Variants in DNAH6 observed in about 807,000 individuals in gnomAD.
DNAH6 encodes dynein axonemal heavy chain 6.
A neutral mutation model predicts 491.4 loss-of-function variants in DNAH6; 340 were observed. The observed-to-expected ratio is 0.69, with a 90% confidence interval of 0.63 to 0.76. The LOEUF (loss-of-function observed/expected upper bound fraction) is 0.76. DNAH6 is among the 30% of genes least tolerant of loss of function. DNAH6 has a pLI of 0.00. For synonymous variants in DNAH6, 1,603 were observed against 1,686.1 expected (o/e 0.95, Z 1.21); for missense variants, 4,443 against 4,972.2 (o/e 0.89, Z 3.20).
chr2:84,657,790 A>G (rs1320680448), intron 35 of DNAH6, among the ~76,000 whole-genome samples: 1 of 151,942 alleles, frequency 6.6e-6, no homozygotes, highest in Non-Finnish European at 1.5e-5. Context: ...CTTCCTTCCC[A>G]ATCTGTATAC....
rs1000856327 is a variant in DNAH6 at position 84,634,634 on chromosome 2, C to T, written c.4646C>T (p.Ala1549Val). 2.5e-5 allele frequency: 38 copies of T among 1,533,004 alleles called. No individual in the cohort carries two copies. Among genetic ancestry groups the T allele is most frequent in the Admixed American group, 4.2e-5 (2 of 47,504 alleles). 95.0% of individuals were successfully genotyped at this position (1,533,004 alleles called of 1,614,324 possible). Residue 1549 changes from alanine (A) to valine (V), a missense_variant, in exon 30 of 77, where the codon GCG (alanine) becomes GTG (valine). Coordinates refer to ENST00000389394, the MANE Select transcript of DNAH6 (RefSeq NM_001370.2). ...QQLITIRNAK[A>V]AKLSRFMFEG... ...CTCATTACCATTAGGAACGCCAAAG[C>T]GGCAAAGGTAAGGCACTGGGCAATC...
At chr2:84,798,172 G>A (rs1678520166) in intron 70 of DNAH6, among the ~76,000 whole-genome samples, 1 of 152,224 alleles carries the variant, frequency 6.6e-6, no homozygotes, top group Non-Finnish European at 1.5e-5. Context: ...ACTCCTCTGT[G>A]TAAGACCTTG....
chr2:84,710,346 A>G lies in DNAH6; in HGVS notation c.9312A>G (p.Thr3104=). The G allele has an allele frequency of 1.9e-6, 3 of 1,551,788 alleles. No homozygotes were observed. The highest frequency in any genetic ancestry group is 2.6e-6 in the Non-Finnish European group (3 of 1,146,990). ...SKSGLKIIKL[T]DSNFLRILEN... ...GTGGTTTAAAGATCATTAAGCTTAC[A>G]GATAGTAATTTCTTACGAATACTCG... Residue 3104 remains threonine (T), a synonymous_variant, in exon 56 of 77, where the codon ACA becomes ACG. Transcript: ENST00000389394.
At chr2:84,461,646 A>G in the DNAH6 span, among the ~76,000 whole-genome samples, 1 of 152,222 alleles carries the variant, frequency 6.6e-6, no homozygotes, top group Non-Finnish European at 1.5e-5. Context: ...ATATAAAGCT[A>G]CTGTCACCTT....
At chr2:84,504,381 A>G in the DNAH6 span, among the ~76,000 whole-genome samples, 22 of 152,270 alleles carry the variant, frequency 1.4e-4, no homozygotes, top group Non-Finnish European at 2.6e-4. Context: ...AAAGGTCACT[A>G]TCTTTGTTTC....
At chr2:84,550,754 A>T (rs1487484887) in intron 9 of DNAH6, among the ~76,000 whole-genome samples, 1 of 152,146 alleles carries the variant, frequency 6.6e-6, no homozygotes, top group Admixed American at 6.5e-5. Context: ...CCAAAAGCTT[A>T]TAGTTCGTGG....
At position 84,577,423 on chromosome 2, in the gene DNAH6, G is replaced by GAA; in HGVS notation, c.2076+23_2076+24dup. On this transcript the variant is annotated intron_variant, in intron 13 of 76. Coordinates refer to ENST00000389394, the MANE Select transcript of DNAH6 (RefSeq NM_001370.2). Reference sequence around the variant, plus strand: ...GATGCTTAGAGGTAACTATAAACTAGAAAAAAAAATAATTATTCCTCTACA... The same window carrying GAA: ...GATGCTTAGAGGTAACTATAAACTAGAAAAAAAAAAATAATTATTCCTCTACA... 6.7e-7 allele frequency: 1 copy of GAA among 1,503,152 alleles called. No homozygotes were observed. Among genetic ancestry groups the GAA allele is most frequent in the South Asian group, 1.3e-5 (1 of 77,354 alleles). 93.1% of individuals were successfully genotyped at this position (1,503,152 alleles called of 1,614,324 possible).
At position 84,699,160 on chromosome 2, in the gene DNAH6, A is replaced by C. The variant is rs895555367; in HGVS notation, c.7678-434A>C. On this transcript the variant is annotated intron_variant, in intron 47 of 76. Coordinates refer to ENST00000389394, the MANE Select transcript of DNAH6 (RefSeq NM_001370.2). ...ATATATCTTTGTAACAAACCTACAC[A>C]TGTACCCCCAGAATCTAAAATAAAA... Among the ~76,000 whole-genome samples the C allele has an allele frequency of 3.9e-5, 6 of 152,060 alleles. No individual in the cohort carries two copies. The South Asian group carries it at 1.3e-3, about 32-fold the overall frequency.
chr2:84,717,604 G>A lies in DNAH6; in HGVS notation c.9612-600G>A, dbSNP rs114929797. Among the ~76,000 whole-genome samples, 791 of 152,282 alleles carry A rather than the reference G, an allele frequency of 5.2e-3. 7 individuals are homozygous for A. Among genetic ancestry groups the A allele is most frequent in the African/African-American group, 0.018 (750 of 41,552 alleles). ...TTCAAAGGATTAATAGATAATCCACGTAAAACTCTTAGCAGGGTGCATTGC... is the reference window on the plus strand; with the variant it reads ...TTCAAAGGATTAATAGATAATCCACATAAAACTCTTAGCAGGGTGCATTGC... On this transcript the variant is annotated intron_variant, in intron 58 of 76. Transcript: ENST00000389394.
At chr2:84,512,544 C>T (rs1675376759), upstream of DNAH6, among the ~76,000 whole-genome samples, 1 of 152,198 alleles carries the variant, frequency 6.6e-6, no homozygotes, top group Non-Finnish European at 1.5e-5. Context: ...AACATATGAA[C>T]TTCAGGGGAC....
At chr2:84,771,346 A>G (rs1377816251) in intron 64 of DNAH6, among the ~76,000 whole-genome samples, 2 of 152,090 alleles carry the variant, frequency 1.3e-5, no homozygotes, top group Admixed American at 6.6e-5. Context: ...GATACCATCA[A>G]CCATACCAAC....
chr2:84,594,173 T>G (rs1241827225), intron 17 of DNAH6, 88 bp downstream of exon 17: 1 of 620,956 alleles, frequency 1.6e-6, no homozygotes, highest in African/African-American at 2.3e-5. Context: ...CTTTTAACAA[T>G]CTGGTGCTTT....
intron 41 of DNAH6, 80 bp from the exon 42 acceptor site, chr2:84,681,277 G>A (rs994094278): frequency 3.5e-5 from 43 of 1,232,876 alleles, no homozygotes; most frequent in African/African-American, 6.2e-5. Flanking sequence ...ATTAGAAAAC[G>A]TTATCATCCG....
chr2:84,494,548 G>C, the DNAH6 span, among the ~76,000 whole-genome samples: 1 of 152,104 alleles, frequency 6.6e-6, no homozygotes, highest in African/African-American at 2.4e-5. Context: ...AGGAGGGAGA[G>C]ATTTAAAGAA....
chr2:84,478,968 T>C, the DNAH6 span, among the ~76,000 whole-genome samples: 32 of 149,586 alleles, frequency 2.1e-4, no homozygotes, highest in Non-Finnish European at 3.8e-4. Flanking sequence ...CTGTCCCCAG[T>C]TGGACTCCTC....
chr2:84,494,294 C>T, the DNAH6 span, among the ~76,000 whole-genome samples: 1 of 152,104 alleles, frequency 6.6e-6, no homozygotes, highest in South Asian at 2.1e-4. Context: ...GATTTGTTTG[C>T]CGGATACAGG....
At chr2:84,574,437 T>C (rs1450823596) in intron 12 of DNAH6, among the ~76,000 whole-genome samples, 4 of 152,206 alleles carry the variant, frequency 2.6e-5, no homozygotes, top group African/African-American at 4.8e-5. Flanking sequence ...TCTTAACTTA[T>C]TCCATTTTCA....
At chr2:84,598,120 A>G (rs368229468) in intron 18 of DNAH6, among the ~76,000 whole-genome samples, 4 of 107,950 alleles carry the variant, frequency 3.7e-5, no homozygotes, top group Non-Finnish European at 6.5e-5. Flanking sequence ...GGTTCTTTCT[A>G]TCTTTCTTTT....
chr2:84,754,144 T>G (rs1211200466), intron 63 of DNAH6, among the ~76,000 whole-genome samples: 1 of 151,408 alleles, frequency 6.6e-6, no homozygotes, highest in Non-Finnish European at 1.5e-5. Flanking sequence ...TTGTATATGA[T>G]GTCAAGTGTG....
Sources: allele counts gnomAD v4.1 joint callset (sites outside exome capture counted in the v4.1 genomes callset), GRCh38; gene constraint gnomAD v4.1.1; transcripts MANE v1.5; gene names NCBI Gene and HGNC (gene_info 2026-07-23, HGNC 2026-07-21).